Variants in HORMAD2 observed in about 807,000 individuals in gnomAD.
The protein encoded by HORMAD2 is HORMA domain containing 2.
In HORMAD2, 45 loss-of-function variants were observed where a neutral mutation model predicts 38.8. The ratio of observed to expected loss-of-function variants is 1.16; its 90% CI spans 0.91 to 1.49. The LOEUF is 1.49. Ranked by LOEUF, HORMAD2 falls within the 40% of genes most tolerant of loss-of-function variation. HORMAD2 has a pLI of 0.00. For missense variants in HORMAD2, 338 were observed against 367.0 expected (o/e 0.92, Z 0.65); for synonymous variants, 126 against 122.8 (o/e 1.03, Z -0.17).
the HORMAD2 span, among the ~76,000 whole-genome samples, chr22:30,200,297 T>C: frequency 6.6e-6 from 1 of 152,278 alleles, no homozygotes; most frequent in Non-Finnish European, 1.5e-5. Context: ...GCAAGTTAAT[T>C]TGGGAGTAAA....
intron 2 of HORMAD2, among the ~76,000 whole-genome samples, chr22:30,094,966 C>T (rs2068755814): frequency 6.6e-6 from 1 of 152,012 alleles, no homozygotes; most frequent in Non-Finnish European, 1.5e-5. Flanking sequence ...AAATGAGACC[C>T]TTAATTTTGG....
chr22:30,173,188 G>A (rs1180616903), intron 10 of HORMAD2, among the ~76,000 whole-genome samples: 1 of 152,218 alleles, frequency 6.6e-6, no homozygotes, highest in East Asian at 1.9e-4. Flanking sequence ...TGCAGAAATA[G>A]GCCAAGGCCA....
intron 10 of HORMAD2, among the ~76,000 whole-genome samples, chr22:30,155,989 T>A (rs1925048943): frequency 6.6e-6 from 1 of 152,052 alleles, no homozygotes; most frequent in Non-Finnish European, 1.5e-5. Flanking sequence ...GCCTTGGGCC[T>A]TTTCCCCATG....
At position 30,173,848 on chromosome 22, in the gene HORMAD2, G is replaced by A. The variant is rs533018219; in HGVS notation, c.820-2215G>A. ...AGTAACAAGCATTTTTAAAGGGAGCGAATAAAGGAATAAGTGATTAAAAAG... is the reference window on the plus strand; with the variant it reads ...AGTAACAAGCATTTTTAAAGGGAGCAAATAAAGGAATAAGTGATTAAAAAG... On this transcript the variant is annotated intron_variant, in intron 10 of 10. Coordinates refer to ENST00000336726, the MANE Select transcript of HORMAD2 (RefSeq NM_152510.4). Among the ~76,000 whole-genome samples, 4 of 152,208 alleles carry A rather than the reference G, an allele frequency of 2.6e-5. No homozygotes were observed. In the East Asian group the frequency reaches 5.8e-4, roughly 22 times the overall value.
intron 1 of HORMAD2, among the ~76,000 whole-genome samples, chr22:30,088,084 T>C (rs2068606588): frequency 6.6e-6 from 1 of 151,406 alleles, no homozygotes; most frequent in African/African-American, 2.4e-5. Context: ...TACACACGTG[T>C]ACATATACAC....
the HORMAD2 span, among the ~76,000 whole-genome samples, chr22:30,197,318 G>T: frequency 6.6e-6 from 1 of 151,972 alleles, no homozygotes; most frequent in Non-Finnish European, 1.5e-5. Context: ...ATATCACAAG[G>T]AAAAAGTGGG....
chr22:30,119,182 A>T (rs1922265727), intron 8 of HORMAD2, 135 bp downstream of exon 8: 13 of 618,180 alleles, frequency 2.1e-5, no homozygotes, highest in Non-Finnish European at 3.4e-5. Context: ...CTATTATAAA[A>T]AGGGGCTGCA....
chr22:30,194,022 A>G, the HORMAD2 span, among the ~76,000 whole-genome samples: 6 of 152,150 alleles, frequency 3.9e-5, no homozygotes, highest in East Asian at 9.6e-4. Context: ...ACTGCAGAGA[A>G]TACAGCCCCT....
At chr22:30,080,955 A>T (rs1274121397) in intron 1 of HORMAD2, 1 of 152,300 alleles carries the variant, frequency 6.6e-6, no homozygotes, top group South Asian at 2.1e-4. Flanking sequence ...ACAGGCCAAG[A>T]GGTGAGAGAG....
intron 10 of HORMAD2, among the ~76,000 whole-genome samples, chr22:30,122,927 A>G (rs751844116): frequency 7.2e-5 from 11 of 152,216 alleles, no homozygotes; most frequent in Non-Finnish European, 1.6e-4. Context: ...AGTTAGACAA[A>G]AAATTTTCAG....
At chr22:30,127,428 C>T (rs537274417) in intron 10 of HORMAD2, among the ~76,000 whole-genome samples, 5 of 151,958 alleles carry the variant, frequency 3.3e-5, no homozygotes, top group Non-Finnish European at 5.9e-5. Flanking sequence ...AGGCTGGTCT[C>T]GAACTCCTGA....
intron 1 of HORMAD2, among the ~76,000 whole-genome samples, chr22:30,082,830 T>C (rs1245809385): frequency 4.9e-5 from 7 of 143,614 alleles, no homozygotes; most frequent in Non-Finnish European, 9.2e-5. Flanking sequence ...GAAAAGAAAA[T>C]GAATACACAA....
chr22:30,153,078 C>CTG (rs1292802996), intron 10 of HORMAD2, among the ~76,000 whole-genome samples: 1 of 150,068 alleles, frequency 6.7e-6, no homozygotes, highest in African/African-American at 2.4e-5. Flanking sequence ...CCCAGTTTCC[C>CTG]CCCATCTCAG....
chr22:30,121,623 T>C lies in HORMAD2; in HGVS notation c.411-9T>C, dbSNP rs755009640. 16 of 1,562,578 alleles carry C rather than the reference T, an allele frequency of 1.0e-5. No individual in the cohort carries two copies. In the South Asian group the frequency reaches 1.7e-4, roughly 17 times the overall value. ...TATGATCAAAAAGTATGCTTTTTTT[T>C]CTGTGTAGTCATAGCAGCAGTACAA... On this transcript the variant is annotated splice_polypyrimidine_tract_variant and intron_variant, in intron 8 of 10. Transcript: ENST00000336726.
Position 30,122,101 on chromosome 22 carries a change from A to AC in HORMAD2, c.707dup (p.Glu237ArgfsTer7). ...TCATAGCATGAAAGTAAAAGTCATGACAGAGGCTACAAAAGTGATTGATTT... is the reference window on the plus strand; with the variant it reads ...TCATAGCATGAAAGTAAAAGTCATGACCAGAGGCTACAAAAGTGATTGATTT... On this transcript the variant is annotated frameshift_variant, in exon 10 of 11. Transcript: ENST00000336726. LOFTEE classifies it high-confidence loss of function. 1 of 1,613,788 alleles carries AC rather than the reference A, an allele frequency of 6.2e-7. No homozygotes were observed.
intron 5 of HORMAD2, among the ~76,000 whole-genome samples, chr22:30,109,299 C>T (rs1489338765): frequency 1.3e-5 from 2 of 152,102 alleles, no homozygotes. Context: ...GCTGGGATTA[C>T]AGGCGTGAGC....
intron 2 of HORMAD2, among the ~76,000 whole-genome samples, chr22:30,094,561 A>G (rs1349999077): frequency 6.6e-6 from 1 of 152,226 alleles, no homozygotes; most frequent in African/African-American, 2.4e-5. Flanking sequence ...TATGATCTTC[A>G]TCTTCCAAAA....
At chr22:30,092,759 G>A (rs566276873) in intron 1 of HORMAD2, among the ~76,000 whole-genome samples, 1 of 152,196 alleles carries the variant, frequency 6.6e-6, no homozygotes, top group African/African-American at 2.4e-5. Context: ...TTTCCCCAAT[G>A]TATGTTCTTG....
the HORMAD2 span, among the ~76,000 whole-genome samples, chr22:30,183,261 C>T: frequency 6.6e-6 from 1 of 152,194 alleles, no homozygotes; most frequent in Non-Finnish European, 1.5e-5. Context: ...ATCAGGGAAA[C>T]AATTGTTTGA....
Sources: allele counts gnomAD v4.1 joint callset (sites outside exome capture counted in the v4.1 genomes callset), GRCh38; gene constraint gnomAD v4.1.1; transcripts MANE v1.5; gene names NCBI Gene and HGNC (gene_info 2026-07-23, HGNC 2026-07-21).